Variants in HS6ST2 observed in about 807,000 individuals in gnomAD.
HS6ST2 encodes heparan sulfate 6-O-sulfotransferase 2.
A neutral mutation model predicts 33.0 loss-of-function variants in HS6ST2; 17 were observed. That is an observed-to-expected ratio of 0.52 (90% CI 0.35 to 0.77). The LOEUF is 0.77. HS6ST2 is among the 30% of genes least tolerant of loss of function. The pLI is 0.01. For missense variants in HS6ST2, 519 were observed against 551.7 expected, an observed-to-expected ratio of 0.94 and a Z score of 0.59; for synonymous variants, 248 against 237.1, an observed-to-expected ratio of 1.05 and a Z score of -0.42.
chrX:132,830,589 A>C (rs781675596), intron 2 of HS6ST2, among the ~76,000 whole-genome samples: 1 of 112,387 alleles, frequency 8.9e-6, no homozygotes, highest in Admixed American at 9.4e-5. Flanking sequence ...TTTTAAACAC[A>C]AAATTTTACA....
chrX:132,880,099 A>C (rs903515031), intron 2 of HS6ST2, among the ~76,000 whole-genome samples: 2 of 111,749 alleles, frequency 1.8e-5, no homozygotes, highest in African/African-American at 6.5e-5. Context: ...TGTGAACTAA[A>C]ACTTCTCCAG....
At chrX:132,744,539 TTATC>T (rs2064617018) in intron 2 of HS6ST2, among the ~76,000 whole-genome samples, 1 of 112,406 alleles carries the variant, frequency 8.9e-6, no homozygotes, top group Admixed American at 9.4e-5. Context: ...CATCAGCTGT[TTATC>T]TGGCCTCCCA....
chrX:132,818,215 A>C (rs1463606131), intron 2 of HS6ST2, among the ~76,000 whole-genome samples: 1 of 111,121 alleles, frequency 9.0e-6, no homozygotes, highest in African/African-American at 3.3e-5. Flanking sequence ...GGCTTTCAAG[A>C]GAGACGATGC....
At chrX:132,820,944 C>T (rs1302785733) in intron 2 of HS6ST2, among the ~76,000 whole-genome samples, 3 of 110,089 alleles carry the variant, frequency 2.7e-5, no homozygotes, top group Non-Finnish European at 5.7e-5. Flanking sequence ...TTCAGTGTCA[C>T]CGCAAGGAGG....
At chrX:132,797,050 C>A (rs138360861) in intron 2 of HS6ST2, among the ~76,000 whole-genome samples, 71 of 111,566 alleles carry the variant, frequency 6.4e-4, no homozygotes, top group African/African-American at 2.2e-3. Flanking sequence ...GATTAGCCTG[C>A]CTGCTTGTCC....
At chrX:132,845,607 A>G (rs1484480564) in intron 2 of HS6ST2, among the ~76,000 whole-genome samples, 3 of 111,592 alleles carry the variant, frequency 2.7e-5, no homozygotes, top group Non-Finnish European at 5.6e-5. Context: ...CCCTATGAAC[A>G]TTAGAAGTTA....
intron 3 of HS6ST2, among the ~76,000 whole-genome samples, chrX:132,700,194 T>C (rs1487005702): frequency 8.9e-6 from 1 of 111,907 alleles, no homozygotes; most frequent in African/African-American, 3.3e-5. Flanking sequence ...ACCATACCCA[T>C]TGCCCAAATT....
At chrX:132,785,188 T>C (rs1308708593) in intron 2 of HS6ST2, among the ~76,000 whole-genome samples, 1 of 112,230 alleles carries the variant, frequency 8.9e-6, no homozygotes, top group African/African-American at 3.2e-5. Context: ...TTGAGTCTTC[T>C]CAACTTAATT....
At chrX:132,895,155 T>C (rs2066362125) in intron 2 of HS6ST2, among the ~76,000 whole-genome samples, 1 of 112,023 alleles carries the variant, frequency 8.9e-6, no homozygotes, top group Non-Finnish European at 1.9e-5. Context: ...CATTACGTTT[T>C]ACTGTCACTT....
intron 2 of HS6ST2, among the ~76,000 whole-genome samples, chrX:132,823,553 T>C (rs2065481644): frequency 9.1e-6 from 1 of 109,532 alleles, no homozygotes; most frequent in Non-Finnish European, 1.9e-5. Flanking sequence ...CTATGTTACT[T>C]CACTTAGAAT....
chrX:132,937,143 A>G (rs2066832283), intron 2 of HS6ST2, among the ~76,000 whole-genome samples: 1 of 111,686 alleles, frequency 9.0e-6, no homozygotes, highest in African/African-American at 3.3e-5. Flanking sequence ...AACAAGGAAT[A>G]AATTTAATCA....
chrX:132,836,753 T>C (rs1442861532), intron 2 of HS6ST2, among the ~76,000 whole-genome samples: 3 of 112,733 alleles, frequency 2.7e-5, no homozygotes, highest in Non-Finnish European at 5.6e-5. Flanking sequence ...TTCTAAGCCT[T>C]TCCTATTGCT....
At chrX:132,754,945 C>T (rs2064743742) in intron 2 of HS6ST2, among the ~76,000 whole-genome samples, 1 of 111,352 alleles carries the variant, frequency 9.0e-6, no homozygotes, top group Admixed American at 9.5e-5. Context: ...CTCCTGGTCT[C>T]AAGCAATCCT....
At chrX:132,888,448 G>C (rs1053989366) in intron 2 of HS6ST2, among the ~76,000 whole-genome samples, 3 of 111,804 alleles carry the variant, frequency 2.7e-5, no homozygotes, top group Middle Eastern at 4.6e-3. Flanking sequence ...CTCCCACCAG[G>C]TCCCTCCCAC....
intron 3 of HS6ST2, among the ~76,000 whole-genome samples, chrX:132,692,335 G>A (rs1407740641): frequency 9.0e-6 from 1 of 111,119 alleles, no homozygotes; most frequent in East Asian, 2.8e-4. Context: ...TTTGCTCAGT[G>A]TGGTCAGTGC....
intron 2 of HS6ST2, among the ~76,000 whole-genome samples, chrX:132,842,473 A>G (rs187566118): frequency 2.8e-4 from 31 of 111,674 alleles, no homozygotes; most frequent in African/African-American, 9.8e-4. Flanking sequence ...ACTTTTCATT[A>G]CCACCCCTAA....
intron 2 of HS6ST2, among the ~76,000 whole-genome samples, chrX:132,773,163 A>G (rs1363494163): frequency 1.0e-5 from 1 of 100,102 alleles, no homozygotes; most frequent in Non-Finnish European, 2.0e-5. Flanking sequence ...GATTATATAT[A>G]CTATATAATA....
intron 2 of HS6ST2, among the ~76,000 whole-genome samples, chrX:132,847,996 A>G (rs2065768265): frequency 8.9e-6 from 1 of 112,460 alleles, no homozygotes; most frequent in African/African-American, 3.2e-5. Context: ...AGGCAAGGAT[A>G]ACGACTTGGT....
chrX:132,730,356 T>C (rs954823973), intron 2 of HS6ST2, among the ~76,000 whole-genome samples: 1 of 111,811 alleles, frequency 8.9e-6, no homozygotes, highest in Non-Finnish European at 1.9e-5. Flanking sequence ...TAATGCTCCA[T>C]GTTTGCTAAA....
Sources: allele counts gnomAD v4.1 joint callset (sites outside exome capture counted in the v4.1 genomes callset), GRCh38; gene constraint gnomAD v4.1.1; transcripts MANE v1.5; gene names NCBI Gene and HGNC (gene_info 2026-07-23, HGNC 2026-07-21).